Variants in MYO3A observed in about 807,000 individuals in gnomAD.
The protein encoded by MYO3A is myosin-IIIa.
A neutral mutation model predicts 192.7 loss-of-function variants in MYO3A; 180 were observed. That is an observed-to-expected ratio of 0.93 (90% confidence interval 0.83 to 1.06). MYO3A has a LOEUF of 1.06. Ranked by LOEUF, MYO3A falls within the 50% of genes least tolerant of loss-of-function variation. The pLI, the probability that MYO3A is intolerant of heterozygous loss-of-function variation, is 0.00. For synonymous variants in MYO3A, 628 were observed against 645.3 expected (o/e 0.97, Z 0.41); for missense variants, 1,896 against 1,905.0 (o/e 1.00, Z 0.09).
rs149447012 is a variant in MYO3A at position 25,949,842 on chromosome 10, A to G, written c.-17-2252A>G. On this transcript the variant is annotated intron_variant, in intron 2 of 34. Transcript: ENST00000642920. ...TTTATTCAACAGCTATATATTTAAC[A>G]TTTACCGTATTTTCTAGGTACAGAG... Among the ~76,000 whole-genome samples, 1,480 of 152,220 alleles carry G rather than the reference A, an allele frequency of 9.7e-3. 21 individuals are homozygous for G. Among genetic ancestry groups the G allele is most frequent in the Middle Eastern group, 0.02 (6 of 294 alleles).
At chr10:26,043,506 G>T (rs1180973624) in intron 10 of MYO3A, among the ~76,000 whole-genome samples, 2 of 152,102 alleles carry the variant, frequency 1.3e-5, no homozygotes, top group African/African-American at 4.8e-5. Flanking sequence ...TTGTAGTGTG[G>T]GTGAGCTGGC....
intron 10 of MYO3A, among the ~76,000 whole-genome samples, chr10:26,033,435 A>G (rs1027054373): frequency 1.3e-5 from 2 of 152,148 alleles, no homozygotes; most frequent in East Asian, 1.9e-4. Flanking sequence ...CCAGAAATCC[A>G]GGGATTATCT....
intron 17 of MYO3A, among the ~76,000 whole-genome samples, chr10:26,097,845 A>G (rs1564545719): frequency 1.3e-5 from 2 of 152,174 alleles, no homozygotes; most frequent in Non-Finnish European, 2.9e-5. Context: ...CACAATAAAC[A>G]TATGTGTGCA....
chr10:26,170,470 A>T lies in MYO3A; in HGVS notation c.3329A>T (p.Asn1110Ile), dbSNP rs1439056987. ...KQRKEIVDMK[N>I]TAVTTIQTSD... ...AGAAAAGAAATTGTTGACATGAAAAACACAGCAGTAACAACCATTCAAACT... is the reference window on the plus strand; with the variant it reads ...AGAAAAGAAATTGTTGACATGAAAATCACAGCAGTAACAACCATTCAAACT... Residue 1110 changes from asparagine to isoleucine, a missense_variant, in exon 29 of 35, where the codon AAC becomes ATC. Transcript: ENST00000642920. 1.2e-6 allele frequency: 2 copies of T among 1,613,616 alleles called. No homozygotes were observed. Among genetic ancestry groups the T allele is most frequent in the Non-Finnish European group, 8.5e-7 (1 of 1,179,742 alleles).
At chr10:26,081,784 CAGTTCCGTGT>C (rs1486380013) in intron 14 of MYO3A, among the ~76,000 whole-genome samples, 1 of 152,190 alleles carries the variant, frequency 6.6e-6, no homozygotes, top group African/African-American at 2.4e-5. Context: ...CAAATGGATT[CAGTTCCGTGT>C]AAAGCCAGAA....
intron 6 of MYO3A, among the ~76,000 whole-genome samples, chr10:25,999,144 C>T (rs1048037951): frequency 3.9e-5 from 6 of 152,094 alleles, no homozygotes; most frequent in African/African-American, 9.7e-5. Context: ...ATGATCCACC[C>T]GTCTCGGCCT....
At chr10:26,161,756 G>A (rs1357625609) in intron 26 of MYO3A, among the ~76,000 whole-genome samples, 2 of 152,060 alleles carry the variant, frequency 1.3e-5, no homozygotes, top group Non-Finnish European at 2.9e-5. Context: ...ATACATATTA[G>A]CTATAATTAT....
At chr10:26,049,673 C>CT (rs66467075) in intron 10 of MYO3A, among the ~76,000 whole-genome samples, 919 of 69,098 alleles carry the variant, frequency 0.013, 21 homozygotes, top group African/African-American at 0.029. Flanking sequence ...TTCTTTCTTT[C>CT]TTTTTTTTTT....
intron 2 of MYO3A, among the ~76,000 whole-genome samples, chr10:25,942,455 T>C (rs1836559842): frequency 6.6e-6 from 1 of 152,246 alleles, no homozygotes; most frequent in Admixed American, 6.5e-5. Context: ...TTGGCTTATA[T>C]TCAAGAGATG....
At chr10:25,976,737 AG>A (rs201511360) in intron 4 of MYO3A, among the ~76,000 whole-genome samples, 1,865 of 152,240 alleles carry the variant, frequency 0.012, 50 homozygotes, top group African/African-American at 0.042. Context: ...AAGAACACTA[AG>A]GTCTATTTTA....
chr10:26,208,926 A>G (rs1381005235), intron 34 of MYO3A, among the ~76,000 whole-genome samples: 1 of 152,176 alleles, frequency 6.6e-6, no homozygotes, highest in Non-Finnish European at 1.5e-5. Context: ...AGTAAAATCA[A>G]AACAATTTAA....
intron 17 of MYO3A, among the ~76,000 whole-genome samples, chr10:26,097,092 T>G (rs930542894): frequency 1.3e-5 from 2 of 152,080 alleles, no homozygotes; most frequent in African/African-American, 4.8e-5. Context: ...CTTTAGTATA[T>G]TCATAGAGAT....
intron 10 of MYO3A, among the ~76,000 whole-genome samples, chr10:26,031,240 A>T (rs1211826288): frequency 6.6e-6 from 1 of 152,192 alleles, no homozygotes; most frequent in African/African-American, 2.4e-5. Context: ...AATGGAGAGG[A>T]TGGGAGAGAG....
At chr10:26,183,068 C>G (rs1398672397) in intron 31 of MYO3A, among the ~76,000 whole-genome samples, 1 of 152,048 alleles carries the variant, frequency 6.6e-6, no homozygotes, top group Non-Finnish European at 1.5e-5. Flanking sequence ...AGTGGAGTGC[C>G]AAGATGTAGC....
In MYO3A at chr10:26,170,437, G is replaced by T. The variant is rs1238028324; in HGVS notation, c.3296G>T (p.Arg1099Met). 6.8e-6 allele frequency: 11 copies of T among 1,613,384 alleles called. No individual in the cohort carries two copies. The highest frequency in any genetic ancestry group is 9.3e-6 in the Non-Finnish European group (11 of 1,179,656). ...IQSAARGHLV[R>M]KQRKEIVDMK... ...TCAGCTGCAAGAGGACACCTTGTCA[G>T]GAAACAAAGAAAAGAAATTGTTGAC... is the stretch of plus-strand genomic sequence containing the variant. Residue 1099 changes from arginine (R) to methionine (M), a missense_variant, in exon 29 of 35, where the codon AGG becomes ATG. Physicochemically the swap from Arg to Met is moderately conservative, Grantham distance 91. Transcript: ENST00000642920.
At chr10:26,138,705 A>G (rs1242283395) in intron 20 of MYO3A, among the ~76,000 whole-genome samples, 1 of 152,206 alleles carries the variant, frequency 6.6e-6, no homozygotes, top group Non-Finnish European at 1.5e-5. Context: ...GAAGGAGTCT[A>G]GACCTGCAGG....
At chr10:26,180,685 T>C (rs940866709) in intron 31 of MYO3A, among the ~76,000 whole-genome samples, 2 of 141,210 alleles carry the variant, frequency 1.4e-5, no homozygotes, top group African/African-American at 5.2e-5. Context: ...AAATTTCTAA[T>C]AGAAAAAGAG....
At chr10:26,069,959 ATG>A (rs1835095084) in intron 12 of MYO3A, 150 bp from the exon 13 acceptor site, 4 of 614,084 alleles carry the variant, frequency 6.5e-6, no homozygotes, top group Non-Finnish European at 1.1e-5. Flanking sequence ...TATGTGCAAT[ATG>A]TGTGTAACAT....
rs116302255 is a variant in MYO3A at position 26,176,555 on chromosome 10, A to G, written c.4294-146A>G. ...GGTTGTCAGGTGAGAACTTTATCAG[A>G]CCTTGGTGCAAGGGACAGGGTGGGC... On this transcript the variant is annotated intron_variant, in intron 30 of 34. Transcript: ENST00000642920. 0.072 allele frequency: 49,836 copies of G among 695,778 alleles called. 2,202 individuals carry two copies. Among genetic ancestry groups the G allele is most frequent in the Non-Finnish European group, 0.091 (36,706 of 405,030 alleles). The allele number at this position is 695,778 out of a possible 1,614,324, so 43.1% of individuals were successfully genotyped here. A position where few individuals can be genotyped will look rare whatever the true frequency, so the allele number is the denominator to read the frequency against.
Sources: allele counts gnomAD v4.1 joint callset (sites outside exome capture counted in the v4.1 genomes callset), GRCh38; gene constraint gnomAD v4.1.1; transcripts MANE v1.5; gene names NCBI Gene and HGNC (gene_info 2026-07-23, HGNC 2026-07-21).